CYP46A1: variants seen among roughly 807,000 people sequenced by gnomAD.
The protein encoded by CYP46A1 is cholesterol 24-hydroxylase.
Under a neutral mutation model 63.3 loss-of-function variants are expected in CYP46A1, and 20 were observed. The ratio of observed to expected loss-of-function variants is 0.32; its 90% CI spans 0.22 to 0.46. The LOEUF is 0.46. Among genes scored for constraint, CYP46A1 ranks in the 20% least tolerant of loss-of-function variants. The pLI, the probability that CYP46A1 is intolerant of heterozygous loss-of-function variation, is 1.00. For synonymous variants in CYP46A1, 268 were observed against 273.6 expected, an observed-to-expected ratio of 0.98 and a Z score of 0.20; for missense variants, 445 against 670.8, an observed-to-expected ratio of 0.66 and a Z score of 3.72.
At chr14:99,693,901 G>A (rs1192088743) in intron 3 of CYP46A1, among the ~76,000 whole-genome samples, 1 of 151,940 alleles carries the variant, frequency 6.6e-6, no homozygotes, top group Admixed American at 6.6e-5. Context: ...TCACATTGTT[G>A]TACATCCATC....
intron 14 of CYP46A1, 91 bp downstream of exon 14, chr14:99,726,347 TGGGGCTGCTGGGCTGTGGGCTC>T: frequency 9.5e-7 from 1 of 1,057,448 alleles, no homozygotes; most frequent in African/African-American, 1.6e-5. Context: ...ACCCCTGCTC[TGGGGCTGCTGGGCTGTGGGCTC>T]GGGACCCAGC....
intron 11 of CYP46A1, 81 bp from the exon 12 acceptor site, chr14:99,721,875 G>A: frequency 8.6e-7 from 1 of 1,162,810 alleles, no homozygotes. Flanking sequence ...GGAAAGACAG[G>A]GGTCCCAGGC....
Position 99,708,014 on chromosome 14 carries a change from T to C in CYP46A1, c.693+336T>C, listed in dbSNP as rs1243295082. ...GTCTCAGCACATCACCTCATTGTCA[T>C]AAGATGGCTGCTGCGAAAGGTGCAC... On this transcript the variant is annotated intron_variant, in intron 7 of 14. Coordinates refer to ENST00000261835, the MANE Select transcript of CYP46A1 (RefSeq NM_006668.2). The C allele has an allele frequency of 1.7e-5, 5 of 293,926 alleles. No individual in the cohort carries two copies. In the Admixed American group the frequency reaches 2.4e-4, roughly 14 times the overall value. The allele number at this position is 293,926 out of a possible 1,614,324, so 18.2% of individuals were successfully genotyped here.
At chr14:99,713,753 C>T (rs191727384) in intron 7 of CYP46A1, among the ~76,000 whole-genome samples, 209 of 151,340 alleles carry the variant, frequency 1.4e-3, no homozygotes, top group African/African-American at 4.9e-3. Context: ...CAAAAATTAG[C>T]CAGGCATGGT....
rs1340075472 is a variant in CYP46A1 at position 99,718,088 on chromosome 14, A to G, written c.942A>G (p.Thr314=). The change falls in exon 10 of 15, where the codon ACA becomes ACG. Residue 314 remains threonine (T), a synonymous_variant. Coordinates refer to ENST00000261835, the MANE Select transcript of CYP46A1 (RefSeq NM_006668.2). ...HETSANHLAF[T]VMELSRQPEI... ...CCTCTGCCAACCACTTGGCGTTCAC[A>G]GTGATGGAGCTGTCTCGCCAGCCAG... The G allele has an allele frequency of 1.9e-6, 3 of 1,614,068 alleles. No individual in the cohort carries two copies. Among genetic ancestry groups the G allele is most frequent in the Non-Finnish European group, 2.5e-6 (3 of 1,179,976 alleles).
chr14:99,687,856 G>A (rs908355062), intron 1 of CYP46A1, among the ~76,000 whole-genome samples: 21 of 152,074 alleles, frequency 1.4e-4, no homozygotes, highest in Non-Finnish European at 2.6e-4. Flanking sequence ...TCTGCCTGCC[G>A]GGGCGCTGAG....
At chr14:99,719,761 CTTTT>C (rs55891116) in intron 10 of CYP46A1, among the ~76,000 whole-genome samples, 5 of 118,042 alleles carry the variant, frequency 4.2e-5, no homozygotes, top group Non-Finnish European at 7.1e-5. Flanking sequence ...TTTTTCTTTT[CTTTT>C]TTTTTTTTTT....
intron 5 of CYP46A1, among the ~76,000 whole-genome samples, chr14:99,704,850 G>A (rs186843782): frequency 1.3e-5 from 2 of 152,352 alleles, no homozygotes; most frequent in East Asian, 1.9e-4. Context: ...TCCATCTGGA[G>A]AAGGGAGACA....
chr14:99,708,720 G>A (rs906799806), intron 7 of CYP46A1: 1 of 153,470 alleles, frequency 6.5e-6, no homozygotes, highest in South Asian at 2.0e-4. Flanking sequence ...CCTAATGTAG[G>A]TAGTGCCTGT....
At chr14:99,710,591 A>G (rs1224909019) in intron 7 of CYP46A1, 3 of 152,188 alleles carry the variant, frequency 2.0e-5, no homozygotes, top group African/African-American at 7.2e-5. Flanking sequence ...AGGTCATTAT[A>G]TAATGATAAA....
intron 1 of CYP46A1, among the ~76,000 whole-genome samples, chr14:99,689,550 G>A (rs1322763005): frequency 2.6e-5 from 4 of 152,172 alleles, no homozygotes; most frequent in South Asian, 2.1e-4. Context: ...ATTGCAGGGG[G>A]TGGGCACGGT....
chr14:99,687,978 A>T (rs746985427), intron 1 of CYP46A1, among the ~76,000 whole-genome samples: 1 of 49,720 alleles, frequency 2.0e-5, no homozygotes, highest in Admixed American at 3.0e-4. Context: ...TGCCAGAAGG[A>T]ATGGGTTTTT....
chr14:99,699,681 A>C, intron 4 of CYP46A1, 142 bp downstream of exon 4: 1 of 878,118 alleles, frequency 1.1e-6, no homozygotes, highest in Non-Finnish European at 1.9e-6. Context: ...CCCCGTAAAC[A>C]GTGGCCCCAC....
chr14:99,699,994 T>G, intron 4 of CYP46A1, 21 bp from the exon 5 acceptor site: 8 of 709,994 alleles, frequency 1.1e-5, no homozygotes, highest in East Asian at 5.6e-5. Flanking sequence ...CTTTCCCGCA[T>G]CACGTGTGTG....
In CYP46A1 at chr14:99,725,614, A is replaced by G; in HGVS notation, c.1265+135A>G. The G allele has an allele frequency of 1.5e-6, 1 of 668,126 alleles. No individual in the cohort carries two copies. Among genetic ancestry groups the G allele is most frequent in the Non-Finnish European group, 2.6e-6 (1 of 380,112 alleles). 41.4% of individuals were successfully genotyped at this position (668,126 alleles called of 1,614,324 possible). A position where few individuals can be genotyped will look rare whatever the true frequency, so the allele number is the denominator to read the frequency against. ...TCCCTGTGAGGTGGTTGTGGAGGAA[A>G]TCACAGCTCAGAGAGGTTAAGTAAC... is the stretch of plus-strand genomic sequence containing the variant. On this transcript the variant is annotated intron_variant, in intron 13 of 14. Transcript: ENST00000261835. This position sits in a 1 kb window ranked among gnomAD's most constrained non-coding sequence, Gnocchi z 4.2.
At chr14:99,720,867 TG>T (rs1489669174) in intron 10 of CYP46A1, among the ~76,000 whole-genome samples, 1 of 150,122 alleles carries the variant, frequency 6.7e-6, no homozygotes, top group Non-Finnish European at 1.5e-5. Context: ...GCAGATCACC[TG>T]GGGGTCAGGA....
chr14:99,697,907 G>C (rs1256196869), intron 3 of CYP46A1, among the ~76,000 whole-genome samples: 5 of 152,000 alleles, frequency 3.3e-5, no homozygotes, highest in Non-Finnish European at 7.4e-5. Flanking sequence ...TCTAAGAATG[G>C]CTCACTTAGA....
intron 9 of CYP46A1, among the ~76,000 whole-genome samples, chr14:99,717,335 T>C (rs766375124): frequency 2.3e-4 from 35 of 152,100 alleles, no homozygotes; most frequent in Non-Finnish European, 4.4e-4. Context: ...GTGGGTTGTG[T>C]CTGTCTTTCC....
chr14:99,709,447 GAAGA>G (rs1174842410), intron 7 of CYP46A1: 1 of 152,120 alleles, frequency 6.6e-6, no homozygotes, highest in Admixed American at 6.5e-5. Context: ...AGATTAAGCA[GAAGA>G]AAGAATTTCT....
Sources: gnomAD v4.1 joint callset for allele counts (sites outside exome capture counted in the v4.1 genomes callset) on GRCh38, gnomAD v4.1.1 for gene constraint, Gnocchi (gnomAD v3.1) non-coding constraint, MANE v1.5 for transcripts, NCBI Gene and HGNC (gene_info 2026-07-23, HGNC 2026-07-21) for gene names.